LRP1: variants seen among roughly 807,000 people sequenced by gnomAD.
LRP1 encodes the protein LDL receptor related protein 1, also known as prolow-density lipoprotein receptor-related protein 1.
LRP1 carries 51 observed loss-of-function variants against 541.5 expected under a neutral mutation model. The observed-to-expected ratio is 0.09, with a 90% confidence interval of 0.08 to 0.12. The LOEUF (loss-of-function observed/expected upper bound fraction) is 0.12. LRP1 is among the 10% of genes least tolerant of loss of function. LRP1 has a pLI of 1.00. For missense variants in LRP1, 3,878 were observed against 6,376.2 expected, an observed-to-expected ratio of 0.61 and a Z score of 13.34; for synonymous variants, 2,219 against 2,470.8, an observed-to-expected ratio of 0.90 and a Z score of 3.02.
intron 6 of LRP1, among the ~76,000 whole-genome samples, chr12:57,153,078 A>G (rs2035554929): frequency 6.6e-6 from 1 of 152,236 alleles, no homozygotes; most frequent in Non-Finnish European, 1.5e-5. Context: ...CAAAGCAGGT[A>G]GCCCAAAGAT....
chr12:57,208,038 A>G lies in LRP1; in HGVS notation c.11860A>G (p.Ile3954Val). 2 of 1,613,504 alleles carry G rather than the reference A, an allele frequency of 1.2e-6. No homozygotes were observed. Among genetic ancestry groups the G allele is most frequent in the Middle Eastern group, 1.7e-4 (1 of 6,058 alleles). ...QIDRGVTHLN[I>V]SGLKMPRGIA... Reference sequence around the variant, plus strand: ...CCCTGAACCTGTGGCTTCCATTCAGATTTCAGGGCTGAAGATGCCCAGAGG... The same window carrying G: ...CCCTGAACCTGTGGCTTCCATTCAGGTTTCAGGGCTGAAGATGCCCAGAGG... The change falls in exon 77 of 89, where the codon ATT becomes GTT. Residue 3954 changes from isoleucine to valine, a missense_variant and splice_region_variant. Ile to Val is a conservative substitution (Grantham distance 29). Around this residue, in one of 13 missense-constraint regions of LRP1, gnomAD observed 871 missense variants for 1,212.4 expected, o/e 0.72. Transcript: ENST00000243077.
Position 57,154,125 on chromosome 12 carries a change from G to C in LRP1, c.842-83G>C. 7.4e-7 allele frequency: 1 copy of C among 1,352,984 alleles called. No homozygotes were observed. Among genetic ancestry groups the C allele is most frequent in the Non-Finnish European group, 1.0e-6 (1 of 962,568 alleles). The allele number at this position is 1,352,984 out of a possible 1,614,324, so 83.8% of individuals were successfully genotyped here. A position where few individuals can be genotyped will look rare whatever the true frequency, so the allele number is the denominator to read the frequency against. On this transcript the variant is annotated intron_variant, in intron 6 of 88. Transcript: ENST00000243077. The surrounding 1 kb of genome is among the most constrained non-coding windows in gnomAD (Gnocchi z 4.6). ...GCGTCCAGAGAAGGTGGGCTTCCAGGTGTGGGTTCTCACCAGCAAAGGGTG... is the reference window on the plus strand; with the variant it reads ...GCGTCCAGAGAAGGTGGGCTTCCAGCTGTGGGTTCTCACCAGCAAAGGGTG...
chr12:57,156,833 A>G lies in LRP1; in HGVS notation c.1474A>G (p.Ile492Val). The change falls in exon 10 of 89, where the codon ATC becomes GTC. Residue 492 changes from isoleucine (I) to valine (V), a missense_variant. Transcript: ENST00000243077. This position sits in a 1 kb window ranked among gnomAD's most constrained non-coding sequence, Gnocchi z 5.2. The stretch of plus-strand genomic sequence containing the variant: ...TGGGAAGCCGGGTGGCTGCTCTGAC[A>G]TCTGCCTGCTGGCCAACAGCCACAA... ...QYGKPGGCSDICLLANSHKAR... is the reference protein window; with the variant it reads ...QYGKPGGCSDVCLLANSHKAR... 1 of 1,607,814 alleles carries G rather than the reference A, an allele frequency of 6.2e-7. No individual in the cohort carries two copies. Among genetic ancestry groups the G allele is most frequent in the Non-Finnish European group, 8.5e-7 (1 of 1,178,436 alleles).
chr12:57,200,878 G>A (rs1219006213), intron 64 of LRP1, 63 bp downstream of exon 64: 1 of 1,563,644 alleles, frequency 6.4e-7, no homozygotes, highest in East Asian at 2.2e-5. Context: ...AGGATTTGGG[G>A]CTTTCAAGTG....
rs1434347225 is a variant in LRP1, at chr12:57,166,066, G to C, written c.2672-18G>C. The stretch of plus-strand genomic sequence containing the variant: ...GGCACCCAACTTCTCGCTGACCCCT[G>C]ACTCATTCCCTCCCCAGATCAGCAC... On this transcript the variant is annotated intron_variant, in intron 16 of 88. Transcript: ENST00000243077. The C allele has an allele frequency of 1.9e-6, 3 of 1,614,124 alleles. No individual in the cohort carries two copies. The highest frequency in any genetic ancestry group is 2.2e-5 in the South Asian group (2 of 91,074).
intron 20 of LRP1, among the ~76,000 whole-genome samples, chr12:57,171,663 G>C (rs992110440): frequency 1.3e-5 from 2 of 152,100 alleles, no homozygotes; most frequent in Admixed American, 1.3e-4. Context: ...ATTGAGAAGA[G>C]GTTCAGGGGC....
In LRP1 at chr12:57,184,311, A is replaced by G. The variant is rs369233341; in HGVS notation, c.6060-15A>G. The G allele has an allele frequency of 1.6e-5, 26 of 1,613,156 alleles. No homozygotes were observed. In the East Asian group the frequency reaches 1.8e-4, roughly 11 times the overall value. ...GGTCTGAGGACTGACCCCCACTTCC[A>G]CCCCCACCCTACAGGTACTTGTTCT... On this transcript the variant is annotated splice_polypyrimidine_tract_variant and intron_variant, in intron 37 of 88. Coordinates refer to ENST00000243077, the MANE Select transcript of LRP1 (RefSeq NM_002332.3). This position sits in a 1 kb window ranked among gnomAD's most constrained non-coding sequence, Gnocchi z 7.8.
chr12:57,177,213 C>A lies in LRP1; in HGVS notation c.4164C>A (p.His1388Gln). The change falls in exon 25 of 89, where the codon CAC (histidine) becomes CAA (glutamine). Residue 1388 changes from histidine to glutamine, a missense_variant. His to Gln is a conservative substitution (Grantham distance 24). Around this residue, in one of 13 missense-constraint regions of LRP1, gnomAD observed 24 missense variants for 109.1 expected, o/e 0.22. Transcript: ENST00000243077. The surrounding 1 kb of genome is among the most constrained non-coding windows in gnomAD (Gnocchi z 6.8). ...CCCTGCTGGCCGGTGACATTGAGCA[C>A]CCAAGGGCAATCGCACTGGATCCCC... is the stretch of plus-strand genomic sequence containing the variant. ...RTTLLAGDIEHPRAIALDPRD... is the reference protein window; with the variant it reads ...RTTLLAGDIEQPRAIALDPRD... 6.2e-7 allele frequency: 1 copy of A among 1,614,206 alleles called. No individual in the cohort carries two copies.
At position 57,156,224 on chromosome 12, in the gene LRP1, T is replaced by C; in HGVS notation, c.1358T>C (p.Val453Ala). The change falls in exon 9 of 89, where the codon GTC (valine) becomes GCC (alanine). Residue 453 changes from valine (V) to alanine (A), a missense_variant. Around this residue, in one of 13 missense-constraint regions of LRP1, gnomAD observed 496 missense variants for 861.0 expected, o/e 0.58. Coordinates refer to ENST00000243077, the MANE Select transcript of LRP1 (RefSeq NM_002332.3). This position sits in a 1 kb window ranked among gnomAD's most constrained non-coding sequence, Gnocchi z 5.2. ...TTTAACAGCACCGAGTACCAGGTTGTCACCCGGGTGGACAAGGGTGGTGCC... is the reference window on the plus strand; with the variant it reads ...TTTAACAGCACCGAGTACCAGGTTGCCACCCGGGTGGACAAGGGTGGTGCC... Reference protein sequence around the residue: ...NRFNSTEYQVVTRVDKGGALH... With the variant: ...NRFNSTEYQVATRVDKGGALH... 6.2e-7 allele frequency: 1 copy of C among 1,614,190 alleles called. No homozygotes were observed. The highest frequency in any genetic ancestry group is 1.1e-5 in the South Asian group (1 of 91,086).
rs760797437 is a variant in LRP1, at chr12:57,173,838, G to C, written c.3405G>C (p.Ser1135=). The C allele has an allele frequency of 6.2e-7, 1 of 1,614,210 alleles. No individual in the cohort carries two copies. Among genetic ancestry groups the C allele is most frequent in the Non-Finnish European group, 8.5e-7 (1 of 1,180,040 alleles). The change falls in exon 22 of 89, where the codon TCG becomes TCC. Residue 1135 remains serine, a synonymous_variant. Transcript: ENST00000243077. This position sits in a 1 kb window ranked among gnomAD's most constrained non-coding sequence, Gnocchi z 4.7. ...GCGACAATGACTGTGAGGATAACTC[G>C]GACGAGGAGAACTGCGAGTCCCTGG... The part of the protein sequence containing the change: ...CDGDNDCEDN[S]DEENCESLAC...
At chr12:57,129,169 C>A in intron 1 of LRP1, 138 bp downstream of exon 1, 1 of 910,696 alleles carries the variant, frequency 1.1e-6, no homozygotes. Flanking sequence ...AGCAGCGGCC[C>A]GACTGGGGGC....
chr12:57,162,424 G>T lies in LRP1; in HGVS notation c.2310G>T (p.Arg770=). Residue 770 remains arginine, a synonymous_variant, in exon 14 of 89, where the codon CGG becomes CGT. Coordinates refer to ENST00000243077, the MANE Select transcript of LRP1 (RefSeq NM_002332.3). This position sits in a 1 kb window ranked among gnomAD's most constrained non-coding sequence, Gnocchi z 5.2. Reference sequence around the variant, plus strand: ...GTGGCAGTGTCTACCGCTTGGAACGGGGTGTAGGAGGCGCACCCCCCACTG... The same window carrying T: ...GTGGCAGTGTCTACCGCTTGGAACGTGGTGTAGGAGGCGCACCCCCCACTG... ...YRSGSVYRLE[R]GVGGAPPTVT... 6.2e-7 allele frequency: 1 copy of T among 1,614,074 alleles called. No homozygotes were observed. Among genetic ancestry groups the T allele is most frequent in the Non-Finnish European group, 8.5e-7 (1 of 1,180,012 alleles).
At position 57,176,035 on chromosome 12, in the gene LRP1, G is replaced by A. The variant is rs750598955; in HGVS notation, c.3920G>A (p.Ser1307Asn). The part of the protein sequence containing the change: ...RNTIALDFHL[S>N]QSALYWTDVV... ...ACCATCGCCCTGGACTTCCACCTCA[G>A]CCAGAGCGCCCTCTACTGGACCGAC... Residue 1307 changes from serine (S) to asparagine (N), a missense_variant, in exon 24 of 89, where the codon AGC (serine) becomes AAC (asparagine). This residue lies in a region of LRP1 where 320 missense variants were observed against 547.9 expected (regional missense o/e 0.58). Transcript: ENST00000243077. The A allele has an allele frequency of 3.1e-6, 5 of 1,614,214 alleles. No individual in the cohort carries two copies. The South Asian group carries it at 5.5e-5, about 18-fold the overall frequency.
In LRP1 at chr12:57,183,562, G is replaced by A. The variant is rs556022723; in HGVS notation, c.5794+52G>A. ...TGGGCGTGGCGTAGGAGCTTTAGGG[G>A]TGGTGTGGTGTGCCCTGAGGGTCCA... On this transcript the variant is annotated intron_variant, in intron 35 of 88. Transcript: ENST00000243077. The surrounding 1 kb of genome is among the most constrained non-coding windows in gnomAD (Gnocchi z 6.1). 7.0e-6 allele frequency: 11 copies of A among 1,576,366 alleles called. No individual in the cohort carries two copies. Among genetic ancestry groups the A allele is most frequent in the Non-Finnish European group, 9.5e-6 (11 of 1,158,818 alleles).
rs1333877810 is a variant in LRP1, at chr12:57,179,584, G to A, written c.4966+28G>A. The A allele has an allele frequency of 6.3e-7, 1 of 1,591,762 alleles. No individual in the cohort carries two copies. Among genetic ancestry groups the A allele is most frequent in the African/African-American group, 1.3e-5 (1 of 74,614 alleles). On this transcript the variant is annotated intron_variant, in intron 29 of 88. Transcript: ENST00000243077. The surrounding 1 kb of genome is among the most constrained non-coding windows in gnomAD (Gnocchi z 6.8). Reference sequence around the variant, plus strand: ...TCTTCCTGGCCCTGGATGCCCACCAGTGGACATGGGCACCTCCACCCGCCC... The same window carrying A: ...TCTTCCTGGCCCTGGATGCCCACCAATGGACATGGGCACCTCCACCCGCCC...
At position 57,154,134 on chromosome 12, in the gene LRP1, C is replaced by T. The variant is rs1299040221; in HGVS notation, c.842-74C>T. ...GAAGGTGGGCTTCCAGGTGTGGGTT[C>T]TCACCAGCAAAGGGTGGGCATCTCT... On this transcript the variant is annotated intron_variant, in intron 6 of 88. Transcript: ENST00000243077. The surrounding 1 kb of genome is among the most constrained non-coding windows in gnomAD (Gnocchi z 4.6). 1.4e-6 allele frequency: 2 copies of T among 1,453,920 alleles called. No homozygotes were observed. Among genetic ancestry groups the T allele is most frequent in the Non-Finnish European group, 1.9e-6 (2 of 1,052,128 alleles). The allele number at this position is 1,453,920 out of a possible 1,614,324, so 90.1% of individuals were successfully genotyped here.
At position 57,175,612 on chromosome 12, in the gene LRP1, A is replaced by G; in HGVS notation, c.3700A>G (p.Ser1234Gly). 6.2e-7 allele frequency: 1 copy of G among 1,613,410 alleles called. No individual in the cohort carries two copies. The highest frequency in any genetic ancestry group is 8.5e-7 in the Non-Finnish European group (1 of 1,179,482). The change falls in exon 23 of 89, where the codon AGC (serine) becomes GGC (glycine). Residue 1234 changes from serine (S) to glycine (G), a missense_variant. Transcript: ENST00000243077. ...QSYCAKHLKC[S>G]QKCDQNKFSV... ...CTACTGTGCCAAGCATCTCAAATGC[A>G]GCCAAAAGTGCGACCAGAACAAGTT...
intron 79 of LRP1, 139 bp from the exon 80 acceptor site, chr12:57,209,553 A>T (rs999827874): frequency 3.8e-5 from 26 of 691,962 alleles, no homozygotes; most frequent in Non-Finnish European, 6.3e-5. Flanking sequence ...CAGGAGGAGG[A>T]ACCGGTGTGG....
intron 33 of LRP1, 55 bp from the exon 34 acceptor site, chr12:57,181,102 G>C: frequency 6.3e-7 from 1 of 1,587,242 alleles, no homozygotes. Flanking sequence ...GCCTGACCCT[G>C]AGGTCCCAAG....
Sources: gnomAD v4.1 joint callset for allele counts (sites outside exome capture counted in the v4.1 genomes callset) on GRCh38, gnomAD v4.1.1 for gene constraint, gnomAD v4.1.1 regional missense constraint, Gnocchi (gnomAD v3.1) non-coding constraint, MANE v1.5 for transcripts, NCBI Gene and HGNC (gene_info 2026-07-23, HGNC 2026-07-21) for gene names.